LRBA: variants seen among roughly 807,000 people sequenced by gnomAD.
The protein encoded by LRBA is LPS responsive beige-like anchor protein, also known as lipopolysaccharide-responsive and beige-like anchor protein.
A neutral mutation model predicts 330.0 loss-of-function variants in LRBA; 176 were observed. The observed-to-expected ratio is 0.53, with a 90% CI of 0.47 to 0.60. LRBA has a LOEUF of 0.60. Ranked by LOEUF, LRBA falls within the 20% of genes least tolerant of loss-of-function variation. LRBA has a pLI of 0.00. For synonymous variants in LRBA, 1,230 were observed against 1,193.0 expected (o/e 1.03, Z -0.64); for missense variants, 3,259 against 3,444.8 (o/e 0.95, Z 1.35).
intron 47 of LRBA, among the ~76,000 whole-genome samples, chr4:150,381,639 T>C (rs11946076): frequency 0.22 from 33,145 of 152,204 alleles, 4,423 homozygotes; most frequent in Non-Finnish European, 0.31. Context: ...TTGGCTACTA[T>C]GACTAATGCT....
At chr4:150,896,485 G>C in intron 15 of LRBA, 29 bp from the exon 16 acceptor site, 1 of 1,170,696 alleles carries the variant, frequency 8.5e-7, no homozygotes, top group Non-Finnish European at 1.2e-6. Context: ...GGTATCTTAC[G>C]TTTACATGTA....
At chr4:150,589,903 T>A (rs981722350) in intron 39 of LRBA, among the ~76,000 whole-genome samples, 1 of 152,126 alleles carries the variant, frequency 6.6e-6, no homozygotes, top group Non-Finnish European at 1.5e-5. Context: ...ATAGAGAGGT[T>A]TACAGTTATC....
At chr4:150,682,485 G>A (rs1056407898) in intron 37 of LRBA, among the ~76,000 whole-genome samples, 1 of 152,012 alleles carries the variant, frequency 6.6e-6, no homozygotes, top group Non-Finnish European at 1.5e-5. Flanking sequence ...CAAAAATTAG[G>A]TACCCAGAAA....
intron 37 of LRBA, among the ~76,000 whole-genome samples, chr4:150,677,660 G>T (rs1782671730): frequency 1.3e-5 from 2 of 151,954 alleles, no homozygotes; most frequent in Non-Finnish European, 2.9e-5. Context: ...TAGTTAACCT[G>T]GCATGGTGGT....
chr4:150,620,459 C>A (rs1198953405), intron 37 of LRBA, among the ~76,000 whole-genome samples: 1 of 152,126 alleles, frequency 6.6e-6, no homozygotes, highest in Non-Finnish European at 1.5e-5. Context: ...TACTGGGTAT[C>A]TATCTGAAGG....
chr4:150,925,510 G>A (rs1002598137), intron 4 of LRBA, among the ~76,000 whole-genome samples: 5 of 152,144 alleles, frequency 3.3e-5, no homozygotes, highest in African/African-American at 1.2e-4. Flanking sequence ...TGGCTCCACT[G>A]GTGTTCATTC....
At chr4:150,404,626 A>G (rs945791958) in intron 47 of LRBA, among the ~76,000 whole-genome samples, 2 of 152,198 alleles carry the variant, frequency 1.3e-5, no homozygotes, top group African/African-American at 4.8e-5. Context: ...ACTTTCAGCT[A>G]TATCACTGAG....
At position 151,006,926 on chromosome 4, in the gene LRBA, C is replaced by CA. The variant is rs1047947984; in HGVS notation, c.216+7500_216+7501insT. On this transcript the variant is annotated intron_variant, in intron 2 of 56. Coordinates refer to ENST00000651943, the MANE Select transcript of LRBA (RefSeq NM_001364905.1). ...TGATAGCTAGTAAAATCCCAGCTTG[C>CA]TTTTTTACAAAAATTGATACGCTGA... Among the ~76,000 whole-genome samples the CA allele has an allele frequency of 7.2e-5, 11 of 152,210 alleles. No individual in the cohort carries two copies. The Middle Eastern group carries it at 0.017, about 235-fold the overall frequency.
chr4:150,475,770 G>A (rs2152073831), intron 42 of LRBA, among the ~76,000 whole-genome samples: 1 of 152,038 alleles, frequency 6.6e-6, no homozygotes, highest in South Asian at 2.1e-4. Context: ...CAGACATGGT[G>A]GCATGTGCCT....
chr4:150,580,978 T>C (rs1771245723), intron 40 of LRBA: 1 of 154,512 alleles, frequency 6.5e-6, no homozygotes, highest in Admixed American at 6.5e-5. Context: ...CCCCTAAGAA[T>C]ACATTCACAA....
chr4:150,907,699 C>T (rs1731502691), intron 11 of LRBA, among the ~76,000 whole-genome samples: 1 of 152,028 alleles, frequency 6.6e-6, no homozygotes. Context: ...ACAATAATTT[C>T]ACTATACATT....
chr4:150,680,236 C>T (rs1160501031), intron 37 of LRBA, among the ~76,000 whole-genome samples: 1 of 152,136 alleles, frequency 6.6e-6, no homozygotes, highest in Non-Finnish European at 1.5e-5. Context: ...CCCATTATTT[C>T]CTGAAATCTC....
Position 150,914,263 on chromosome 4 carries a change from A to G in LRBA, c.1093T>C (p.Tyr365His), listed in dbSNP as rs1278344222. Reference protein sequence around the residue: ...RVFCGQMTAVYLFSEALNAAQ... With the variant: ...RVFCGQMTAVHLFSEALNAAQ... ...GCATTTAGAGCTTCACTGAAAAGGT[A>G]AACTGCAGTCATCTGACCACAGAAT... is the stretch of plus-strand genomic sequence containing the variant. The change falls in exon 9 of 57, where the codon TAC becomes CAC. Residue 365 changes from tyrosine to histidine, a missense_variant. Physicochemically the swap from Tyr to His is moderately conservative, Grantham distance 83. Transcript: ENST00000651943. 6.2e-7 allele frequency: 1 copy of G among 1,610,932 alleles called. No homozygotes were observed. Among genetic ancestry groups the G allele is most frequent in the East Asian group, 2.2e-5 (1 of 44,846 alleles).
intron 9 of LRBA, among the ~76,000 whole-genome samples, chr4:150,909,086 T>C (rs1340272140): frequency 6.6e-6 from 1 of 152,166 alleles, no homozygotes; most frequent in Non-Finnish European, 1.5e-5. Context: ...GACCAATAGA[T>C]CATATTTTAT....
chr4:150,400,089 A>T (rs12499470), intron 47 of LRBA, among the ~76,000 whole-genome samples: 2 of 152,106 alleles, frequency 1.3e-5, no homozygotes, highest in East Asian at 1.9e-4. Context: ...ATTTTAGAGA[A>T]GTGTACATTG....
intron 50 of LRBA, among the ~76,000 whole-genome samples, chr4:150,319,817 T>C (rs1407947879): frequency 1.3e-5 from 2 of 152,160 alleles, no homozygotes; most frequent in East Asian, 3.9e-4. Context: ...AAGTTTTTGT[T>C]TGAATGTCAA....
At chr4:150,777,090 G>GTTGTTA (rs1553959772) in intron 34 of LRBA, among the ~76,000 whole-genome samples, 3 of 149,246 alleles carry the variant, frequency 2.0e-5, no homozygotes, top group Admixed American at 6.6e-5. Context: ...TGTTGTTGTT[G>GTTGTTA]TTGTTGTTGT....
At chr4:150,571,672 T>TTTTTC (rs1769875505) in intron 40 of LRBA, among the ~76,000 whole-genome samples, 1 of 145,608 alleles carries the variant, frequency 6.9e-6, no homozygotes, top group Non-Finnish European at 1.5e-5. Flanking sequence ...TTTTTTTTTT[T>TTTTTC]TTGAGAAATT....
intron 34 of LRBA, among the ~76,000 whole-genome samples, chr4:150,774,725 G>T (rs1737035654): frequency 6.6e-6 from 1 of 152,078 alleles, no homozygotes; most frequent in Non-Finnish European, 1.5e-5. Context: ...ACCTTGTACT[G>T]GTCATGAGAA....
Sources: allele counts gnomAD v4.1 joint callset (sites outside exome capture counted in the v4.1 genomes callset), GRCh38; gene constraint gnomAD v4.1.1; transcripts MANE v1.5; gene names NCBI Gene and HGNC (gene_info 2026-07-23, HGNC 2026-07-21).